The following LAMA2 variants were observed in gnomAD, a reference collection of about 807,000 sequenced individuals.
The protein encoded by LAMA2 is laminin subunit alpha-2.
In LAMA2, 269 loss-of-function variants were observed where a neutral mutation model predicts 364.8. The ratio of observed to expected loss-of-function variants is 0.74; its 90% confidence interval spans 0.67 to 0.82. The LOEUF is 0.82. LAMA2 is among the 40% of genes least tolerant of loss of function. The probability of loss-of-function intolerance (pLI) is 0.00; values close to 1 mark genes in which losing one functional copy is unlikely to be tolerated. For synonymous variants in LAMA2, 1,379 were observed against 1,370.6 expected (o/e 1.01, Z -0.14); for missense variants, 3,807 against 3,873.2 (o/e 0.98, Z 0.45).
intron 12 of LAMA2, among the ~76,000 whole-genome samples, chr6:129,228,393 T>C (rs961017538): frequency 6.6e-6 from 1 of 152,106 alleles, no homozygotes; most frequent in Non-Finnish European, 1.5e-5. Context: ...CAATTGGAAA[T>C]GTGGAAGTCA....
At chr6:128,943,504 C>T (rs1780304947) in intron 1 of LAMA2, among the ~76,000 whole-genome samples, 1 of 151,736 alleles carries the variant, frequency 6.6e-6, no homozygotes, top group South Asian at 2.1e-4. Context: ...GTTGCCCAAG[C>T]TGATCTTGAA....
At chr6:129,177,000 T>G (rs1183240478) in intron 9 of LAMA2, among the ~76,000 whole-genome samples, 2 of 152,126 alleles carry the variant, frequency 1.3e-5, no homozygotes, top group Admixed American at 6.5e-5. Flanking sequence ...ACTATATATA[T>G]TACTGATTTG....
intron 1 of LAMA2, chr6:128,929,836 G>C: frequency 3.9e-6 from 4 of 1,031,496 alleles, no homozygotes; most frequent in Non-Finnish European, 6.1e-6. Context: ...GCAGTCCCTT[G>C]TAAGTGAAAA....
intron 41 of LAMA2, among the ~76,000 whole-genome samples, chr6:129,435,125 A>G (rs1040415840): frequency 6.6e-6 from 1 of 152,164 alleles, no homozygotes; most frequent in Non-Finnish European, 1.5e-5. Context: ...TGCTATCAGA[A>G]TGCAGAAAGT....
At chr6:129,269,376 T>A (rs899628892) in intron 16 of LAMA2, among the ~76,000 whole-genome samples, 1 of 151,656 alleles carries the variant, frequency 6.6e-6, no homozygotes, top group African/African-American at 2.4e-5. Context: ...TTTTTTTTTT[T>A]TTATTTCCAT....
intron 4 of LAMA2, among the ~76,000 whole-genome samples, chr6:129,115,869 A>AC (rs1776446706): frequency 6.6e-6 from 1 of 152,164 alleles, no homozygotes; most frequent in Admixed American, 6.6e-5. Context: ...AACACATCCG[A>AC]CTAAGGTGCA....
At chr6:129,315,380 A>G (rs574431916) in intron 24 of LAMA2, 96 bp from the exon 25 acceptor site, 1 of 1,030,232 alleles carries the variant, frequency 9.7e-7, no homozygotes, top group Admixed American at 1.8e-5. Context: ...CAGAATGGGT[A>G]TAGGAACTGC....
intron 40 of LAMA2, among the ~76,000 whole-genome samples, chr6:129,418,590 C>T (rs1335081710): frequency 6.6e-6 from 1 of 151,932 alleles, no homozygotes; most frequent in Admixed American, 6.5e-5. Context: ...AACGTGATGT[C>T]ATATAGGATT....
chr6:129,451,966 C>G (rs988553931), intron 45 of LAMA2, among the ~76,000 whole-genome samples: 1 of 152,242 alleles, frequency 6.6e-6, no homozygotes, highest in East Asian at 1.9e-4. Flanking sequence ...ATGAGTAGCA[C>G]AAAATGCTAG....
In LAMA2 at chr6:129,095,002, A is replaced by G. The variant is rs371248264; in HGVS notation, c.397-3171A>G. On this transcript the variant is annotated intron_variant, in intron 3 of 64. Transcript: ENST00000421865. ...CAAGACCAATGTCAAACTAATAACC[A>G]TAACGTGGAAGCACATTACAGTGAT... 2.0e-3 allele frequency among the ~76,000 whole-genome samples: 300 copies of G among 152,374 alleles called. 1 individual carries two copies. The highest frequency in any genetic ancestry group is 6.9e-3 in the African/African-American group (286 of 41,590).
chr6:129,058,358 G>T (rs897490364), intron 2 of LAMA2, among the ~76,000 whole-genome samples: 17 of 152,218 alleles, frequency 1.1e-4, no homozygotes, highest in Admixed American at 8.5e-4. Flanking sequence ...TTTGAGGATT[G>T]TAAGAAGGAA....
At chr6:129,399,281 A>T (rs1244176288) in intron 37 of LAMA2, among the ~76,000 whole-genome samples, 1 of 152,210 alleles carries the variant, frequency 6.6e-6, no homozygotes, top group African/African-American at 2.4e-5. Context: ...TTACAGTGTT[A>T]CTGGGTGCCA....
chr6:128,937,860 G>T, intron 1 of LAMA2, among the ~76,000 whole-genome samples: 1 of 148,446 alleles, frequency 6.7e-6, no homozygotes, highest in African/African-American at 2.5e-5. Context: ...CTATTTCCTT[G>T]AGGTATAAAG....
chr6:129,238,425 T>C (rs1055954791), intron 12 of LAMA2, among the ~76,000 whole-genome samples: 1 of 152,202 alleles, frequency 6.6e-6, no homozygotes, highest in African/African-American at 2.4e-5. Context: ...ACATAACGTA[T>C]AATTCAGAGT....
intron 12 of LAMA2, among the ~76,000 whole-genome samples, chr6:129,248,367 T>C (rs573137217): frequency 5.3e-4 from 80 of 152,352 alleles, no homozygotes; most frequent in African/African-American, 1.9e-3. Flanking sequence ...TCAAGTATCA[T>C]AGGTGATCTT....
At chr6:129,391,074 T>C (rs1779290399) in intron 35 of LAMA2, among the ~76,000 whole-genome samples, 1 of 152,200 alleles carries the variant, frequency 6.6e-6, no homozygotes, top group Non-Finnish European at 1.5e-5. Context: ...CTGAGTGTAT[T>C]TCCACACTCA....
intron 28 of LAMA2, among the ~76,000 whole-genome samples, chr6:129,322,048 G>T (rs888809952): frequency 2.0e-5 from 3 of 152,160 alleles, no homozygotes; most frequent in African/African-American, 7.2e-5. Context: ...ATGCCATTCA[G>T]CTTAGTTACC....
chr6:128,990,252 T>C (rs1350068564), intron 1 of LAMA2, among the ~76,000 whole-genome samples: 3 of 152,204 alleles, frequency 2.0e-5, no homozygotes, highest in Non-Finnish European at 4.4e-5. Context: ...ATTACTCTCT[T>C]TTGTATTTAC....
chr6:129,426,139 T>A (rs1183335548), intron 40 of LAMA2, among the ~76,000 whole-genome samples: 3 of 152,146 alleles, frequency 2.0e-5, no homozygotes, highest in African/African-American at 7.2e-5. Flanking sequence ...TTTACCTCTA[T>A]ACATTTTATC....
Sources: gnomAD v4.1 joint callset for allele counts (sites outside exome capture counted in the v4.1 genomes callset) on GRCh38, gnomAD v4.1.1 for gene constraint, MANE v1.5 for transcripts, NCBI Gene and HGNC (gene_info 2026-07-23, HGNC 2026-07-21) for gene names.